The following PCDH9 variants were observed in gnomAD, a reference collection of about 807,000 sequenced individuals.
PCDH9 encodes the protein protocadherin 9, also known as protocadherin-9.
A neutral mutation model predicts 70.6 loss-of-function variants in PCDH9; 24 were observed. That is an observed-to-expected ratio of 0.34 (90% CI 0.25 to 0.48). The LOEUF is 0.48. Among genes scored for constraint, PCDH9 ranks in the 20% least tolerant of loss-of-function variants. PCDH9 has a pLI of 0.99. For synonymous variants in PCDH9, 562 were observed against 558.5 expected, an observed-to-expected ratio of 1.01 and a Z score of -0.09; for missense variants, 1,281 against 1,503.6, an observed-to-expected ratio of 0.85 and a Z score of 2.45.
intron 3 of PCDH9, among the ~76,000 whole-genome samples, chr13:66,838,980 C>T (rs1436810905): frequency 6.6e-6 from 1 of 151,886 alleles, no homozygotes; most frequent in Non-Finnish European, 1.5e-5. Flanking sequence ...AATGATTATC[C>T]AATCTGTGCT....
chr13:67,212,619 T>C (rs1281912682), intron 2 of PCDH9: 2 of 152,180 alleles, frequency 1.3e-5, no homozygotes, highest in African/African-American at 4.8e-5. Flanking sequence ...TGTCAGATAC[T>C]TTTGAAAGCA....
At chr13:66,481,663 G>A (rs1474144941) in intron 4 of PCDH9, among the ~76,000 whole-genome samples, 2 of 152,096 alleles carry the variant, frequency 1.3e-5, no homozygotes, top group Non-Finnish European at 2.9e-5. Context: ...CGATAACTAT[G>A]TACTGTCATT....
intron 4 of PCDH9, among the ~76,000 whole-genome samples, chr13:66,451,037 G>T (rs1030825770): frequency 6.6e-6 from 1 of 152,076 alleles, no homozygotes; most frequent in African/African-American, 2.4e-5. Flanking sequence ...AAGGGATAGC[G>T]TTAGGAGATA....
chr13:66,551,463 AGGAG>A (rs1961486729), intron 4 of PCDH9, among the ~76,000 whole-genome samples: 1 of 152,204 alleles, frequency 6.6e-6, no homozygotes, highest in South Asian at 2.1e-4. Context: ...ACTGAGAATG[AGGAG>A]GTGACAGGAA....
intron 3 of PCDH9, among the ~76,000 whole-genome samples, chr13:66,661,286 T>C (rs1201793461): frequency 2.0e-5 from 3 of 152,202 alleles, no homozygotes; most frequent in Admixed American, 2.0e-4. Flanking sequence ...AACACTTCGA[T>C]ATGAGTTCTA....
At chr13:66,471,454 T>A (rs1014440294) in intron 4 of PCDH9, among the ~76,000 whole-genome samples, 10 of 152,208 alleles carry the variant, frequency 6.6e-5, no homozygotes, top group African/African-American at 2.2e-4. Flanking sequence ...ATAATGTTAA[T>A]TTCACTTTAA....
At chr13:66,979,774 C>T (rs1240720578) in intron 2 of PCDH9, among the ~76,000 whole-genome samples, 2 of 152,106 alleles carry the variant, frequency 1.3e-5, no homozygotes, top group Admixed American at 6.6e-5. Flanking sequence ...AAATCACAAA[C>T]ACTTTTCTGT....
chr13:66,372,546 T>G (rs1956674205), intron 4 of PCDH9, among the ~76,000 whole-genome samples: 1 of 151,250 alleles, frequency 6.6e-6, no homozygotes, highest in South Asian at 2.1e-4. Flanking sequence ...TTATAACAAG[T>G]CTTGATCGCA....
intron 2 of PCDH9, among the ~76,000 whole-genome samples, chr13:67,193,616 T>C (rs753601810): frequency 1.1e-4 from 16 of 152,126 alleles, no homozygotes; most frequent in Non-Finnish European, 2.2e-4. Context: ...TATAAATAAA[T>C]AATGCCTTGT....
At chr13:66,806,399 T>TA (rs1408664928) in intron 3 of PCDH9, among the ~76,000 whole-genome samples, 1 of 152,108 alleles carries the variant, frequency 6.6e-6, no homozygotes, top group African/African-American at 2.4e-5. Context: ...GCTGCAGAGT[T>TA]AGGTTTCCAA....
chr13:66,954,114 G>A (rs1430142556), intron 2 of PCDH9, among the ~76,000 whole-genome samples: 1 of 152,108 alleles, frequency 6.6e-6, no homozygotes, highest in African/African-American at 2.4e-5. Context: ...CATCTACCAA[G>A]TATCAGGAGC....
chr13:66,834,902 T>TAAA (rs2080990412), intron 3 of PCDH9, among the ~76,000 whole-genome samples: 1 of 152,236 alleles, frequency 6.6e-6, no homozygotes, highest in African/African-American at 2.4e-5. Flanking sequence ...AATGCTCTCT[T>TAAA]TTAAGTAATA....
intron 4 of PCDH9, among the ~76,000 whole-genome samples, chr13:66,537,328 T>C (rs1427767557): frequency 6.6e-6 from 1 of 152,090 alleles, no homozygotes; most frequent in Non-Finnish European, 1.5e-5. Context: ...GAAATCTATA[T>C]CGTCCATATT....
At chr13:66,987,160 A>G (rs1345184981) in intron 2 of PCDH9, among the ~76,000 whole-genome samples, 2 of 152,000 alleles carry the variant, frequency 1.3e-5, no homozygotes, top group Non-Finnish European at 2.9e-5. Context: ...ATTGGCTCTG[A>G]TTTAGATTTT....
intron 4 of PCDH9, among the ~76,000 whole-genome samples, chr13:66,352,125 C>A (rs756399287): frequency 6.6e-6 from 1 of 152,164 alleles, no homozygotes; most frequent in Non-Finnish European, 1.5e-5. Context: ...CATGAGCCAC[C>A]GTGCCCGGCC....
chr13:66,548,613 T>C (rs7992947), intron 4 of PCDH9, among the ~76,000 whole-genome samples: 80,892 of 151,804 alleles, frequency 0.53, 22,033 homozygotes, highest in East Asian at 0.67. Context: ...AAAAACAGTT[T>C]CTGTAAGTTA....
intron 3 of PCDH9, among the ~76,000 whole-genome samples, chr13:66,708,396 A>C (rs1315614794): frequency 1.5e-5 from 2 of 133,340 alleles, no homozygotes; most frequent in Non-Finnish European, 3.2e-5. Context: ...GTGTACTTTG[A>C]GATTTAGTTT....
intron 3 of PCDH9, among the ~76,000 whole-genome samples, chr13:66,852,490 G>C (rs1010906008): frequency 6.6e-6 from 1 of 152,092 alleles, no homozygotes; most frequent in Non-Finnish European, 1.5e-5. Flanking sequence ...GTGTGAACAG[G>C]AAAGATACAT....
At chr13:66,526,916 T>C (rs1960240005) in intron 4 of PCDH9, among the ~76,000 whole-genome samples, 1 of 152,182 alleles carries the variant, frequency 6.6e-6, no homozygotes, top group African/African-American at 2.4e-5. Flanking sequence ...AGCATATCAT[T>C]GGATTTGCAC....
Sources: gnomAD v4.1 joint callset for allele counts (sites outside exome capture counted in the v4.1 genomes callset) on GRCh38, gnomAD v4.1.1 for gene constraint, MANE v1.5 for transcripts, NCBI Gene and HGNC (gene_info 2026-07-23, HGNC 2026-07-21) for gene names.